Variants in NEDD4L observed in about 807,000 individuals in gnomAD.
NEDD4L encodes NEDD4 like E3 ubiquitin protein ligase, also known as E3 ubiquitin-protein ligase NEDD4-like.
A neutral mutation model predicts 148.9 loss-of-function variants in NEDD4L; 54 were observed. That is an observed-to-expected ratio of 0.36 (90% confidence interval 0.29 to 0.45). NEDD4L has a LOEUF of 0.45. Ranked by LOEUF, NEDD4L falls within the 20% of genes least tolerant of loss-of-function variation. NEDD4L has a pLI of 1.00. For synonymous variants in NEDD4L, 433 were observed against 440.7 expected (o/e 0.98, Z 0.22); for missense variants, 856 against 1,233.8 (o/e 0.69, Z 4.59).
intron 1 of NEDD4L, among the ~76,000 whole-genome samples, chr18:58,085,759 T>A (rs764650107): frequency 1.9e-4 from 29 of 152,220 alleles, no homozygotes; most frequent in Non-Finnish European, 2.9e-4. Context: ...CAAACTGTAT[T>A]TTTGCAACCA....
At chr18:58,073,746 G>C (rs1039476016) in intron 1 of NEDD4L, among the ~76,000 whole-genome samples, 1 of 152,110 alleles carries the variant, frequency 6.6e-6, no homozygotes, top group Admixed American at 6.5e-5. Context: ...AGTTTCCTTT[G>C]GGATGATGAA....
chr18:58,394,057 C>T (rs774101003), intron 30 of NEDD4L, among the ~76,000 whole-genome samples: 13 of 152,208 alleles, frequency 8.5e-5, no homozygotes, highest in Admixed American at 1.3e-4. Context: ...CACGTGAGGA[C>T]GCTGAAGCCC....
intron 2 of NEDD4L, among the ~76,000 whole-genome samples, chr18:58,209,604 A>G (rs187853761): frequency 4.7e-4 from 70 of 150,046 alleles, no homozygotes; most frequent in African/African-American, 1.6e-3. Flanking sequence ...AATTCTAAGC[A>G]TCATAGAGCA....
At chr18:58,093,196 G>T (rs1199012521) in intron 1 of NEDD4L, among the ~76,000 whole-genome samples, 1 of 152,126 alleles carries the variant, frequency 6.6e-6, no homozygotes, top group Admixed American at 6.5e-5. Flanking sequence ...GGTTCTTTTT[G>T]TAGATTGTGA....
intron 8 of NEDD4L, among the ~76,000 whole-genome samples, chr18:58,323,541 C>A (rs865961367): frequency 2.0e-5 from 3 of 152,170 alleles, no homozygotes; most frequent in Non-Finnish European, 1.5e-5. Flanking sequence ...CACCAATCCT[C>A]GGAGAGATTT....
At chr18:58,293,216 G>A (rs1337590260) in intron 5 of NEDD4L, among the ~76,000 whole-genome samples, 2 of 152,206 alleles carry the variant, frequency 1.3e-5, no homozygotes, top group Non-Finnish European at 2.9e-5. Flanking sequence ...CCCATACATG[G>A]ATTTGTTTCT....
At chr18:58,362,292 T>A (rs780558370) in intron 19 of NEDD4L, among the ~76,000 whole-genome samples, 1 of 151,890 alleles carries the variant, frequency 6.6e-6, no homozygotes, top group Non-Finnish European at 1.5e-5. Context: ...TTTTCAGGAG[T>A]AGGGGGAACT....
chr18:58,394,637 A>T (rs2050249673), intron 30 of NEDD4L, among the ~76,000 whole-genome samples: 1 of 152,272 alleles, frequency 6.6e-6, no homozygotes, highest in African/African-American at 2.4e-5. Context: ...GGTTCCTGAG[A>T]ACCCCAGTTT....
intron 2 of NEDD4L, among the ~76,000 whole-genome samples, chr18:58,214,476 G>A (rs976586244): frequency 6.6e-6 from 1 of 152,176 alleles, no homozygotes; most frequent in Non-Finnish European, 1.5e-5. Flanking sequence ...ATCATCTGTA[G>A]AGCAGGGATA....
chr18:58,233,475 T>TA (rs901172935), intron 2 of NEDD4L, among the ~76,000 whole-genome samples: 2 of 152,214 alleles, frequency 1.3e-5, no homozygotes, highest in African/African-American at 4.8e-5. Flanking sequence ...TCTTGAGACT[T>TA]ATTCACTATC....
At chr18:58,161,646 A>G (rs1051974603) in intron 1 of NEDD4L, among the ~76,000 whole-genome samples, 2 of 152,176 alleles carry the variant, frequency 1.3e-5, no homozygotes, top group Non-Finnish European at 1.5e-5. Flanking sequence ...GTAGACTGCT[A>G]TAACAACTTT....
chr18:58,093,004 G>T (rs2145333006), intron 1 of NEDD4L, among the ~76,000 whole-genome samples: 1 of 152,098 alleles, frequency 6.6e-6, no homozygotes, highest in Admixed American at 6.5e-5. Flanking sequence ...GGGACTACAG[G>T]TGCCCGCCAC....
At chr18:58,058,432 A>AG (rs879430364) in intron 1 of NEDD4L, among the ~76,000 whole-genome samples, 13 of 151,548 alleles carry the variant, frequency 8.6e-5, no homozygotes, top group Admixed American at 3.9e-4. Context: ...GAACTCTTTC[A>AG]TCTTGCAAAA....
At chr18:58,367,313 G>T in intron 21 of NEDD4L, 4 of 164,282 alleles carry the variant, frequency 2.4e-5, no homozygotes, top group South Asian at 1.7e-4. Context: ...ACAGACCAAG[G>T]GTTGGGCCCA....
chr18:58,130,106 G>C (rs1249210761), intron 1 of NEDD4L, among the ~76,000 whole-genome samples: 1 of 150,884 alleles, frequency 6.6e-6, no homozygotes, highest in African/African-American at 2.4e-5. Context: ...GGCTCTGTTG[G>C]GGTTTGGTTG....
intron 2 of NEDD4L, among the ~76,000 whole-genome samples, chr18:58,188,784 A>G (rs993180266): frequency 3.3e-5 from 5 of 152,258 alleles, no homozygotes; most frequent in Admixed American, 6.5e-5. Flanking sequence ...GTCTCTTCAC[A>G]AGTAATCTGT....
At chr18:58,061,691 T>G (rs2082343020) in intron 1 of NEDD4L, among the ~76,000 whole-genome samples, 1 of 152,234 alleles carries the variant, frequency 6.6e-6, no homozygotes. Context: ...TAAAATATAC[T>G]GTTATAATTA....
Position 58,333,833 on chromosome 18 carries a change from T to C in NEDD4L, c.1006T>C (p.Ser336Pro), listed in dbSNP as rs2041359916. The C allele has an allele frequency of 6.2e-7, 1 of 1,613,814 alleles. No homozygotes were observed. The highest frequency in any genetic ancestry group is 1.1e-5 in the South Asian group (1 of 91,054). ...CTCCTTCCAGCAAAGAGAACCCTCC[T>C]CAAGGTTGAGGTCATGCAGTGTCAC... ...FSSLIQREPS[S>P]RLRSCSVTDA... The change falls in exon 12 of 31, where the codon TCA (serine) becomes CCA (proline). Residue 336 changes from serine to proline, a missense_variant. By Grantham distance (74) the Ser-to-Pro change is moderately conservative (BLOSUM62 -1). Transcript: ENST00000400345.
chr18:58,082,102 A>ATATATTTTTTTTTTTTTTTTTTTTTTTT, intron 1 of NEDD4L, among the ~76,000 whole-genome samples: 1 of 48,856 alleles, frequency 2.0e-5, no homozygotes, highest in African/African-American at 1.3e-4. Flanking sequence ...ATATATATAT[A>ATATATTTTTTTTTTTTTTTTTTTTTTTT]TTTTTTTTTT....
Sources: allele counts gnomAD v4.1 joint callset (sites outside exome capture counted in the v4.1 genomes callset), GRCh38; gene constraint gnomAD v4.1.1; transcripts MANE v1.5; gene names NCBI Gene and HGNC (gene_info 2026-07-23, HGNC 2026-07-21).